Variants in GLRA1 observed in about 807,000 individuals in gnomAD.
GLRA1 encodes the protein glycine receptor alpha 1.
GLRA1 carries 37 observed loss-of-function variants against 48.3 expected under a neutral mutation model. The ratio of observed to expected loss-of-function variants is 0.77; its 90% CI spans 0.59 to 1.01. GLRA1 has a LOEUF of 1.01. GLRA1 is among the 50% of genes least tolerant of loss of function. The pLI, the probability that GLRA1 is intolerant of heterozygous loss-of-function variation, is 0.00. For missense variants in GLRA1, 427 were observed against 571.0 expected (o/e 0.75, Z 2.57); for synonymous variants, 196 against 210.7 (o/e 0.93, Z 0.60).
intron 3 of GLRA1, among the ~76,000 whole-genome samples, chr5:151,863,416 C>A (rs1753253843): frequency 6.6e-6 from 1 of 152,026 alleles, no homozygotes; most frequent in Non-Finnish European, 1.5e-5. Context: ...GAGTGAGACC[C>A]TGTCACAAAC....
At chr5:151,917,976 T>C (rs1754779501) in intron 1 of GLRA1, among the ~76,000 whole-genome samples, 1 of 152,180 alleles carries the variant, frequency 6.6e-6, no homozygotes, top group African/African-American at 2.4e-5. Flanking sequence ...CCTGTTAAGA[T>C]GGTAAACTAA....
chr5:151,887,407 C>G (rs568297090), intron 2 of GLRA1, among the ~76,000 whole-genome samples: 23 of 152,238 alleles, frequency 1.5e-4, no homozygotes, highest in Middle Eastern at 3.4e-3. Flanking sequence ...TCATTGAAGC[C>G]CAATCTCTTC....
chr5:151,836,592 C>T (rs999827501), intron 7 of GLRA1, among the ~76,000 whole-genome samples: 2 of 152,180 alleles, frequency 1.3e-5, no homozygotes, highest in Non-Finnish European at 2.9e-5. Flanking sequence ...CAGCATGATG[C>T]TGGTACCAAA....
At chr5:151,908,410 T>G (rs1754528102) in intron 1 of GLRA1, among the ~76,000 whole-genome samples, 1 of 152,228 alleles carries the variant, frequency 6.6e-6, no homozygotes, top group Non-Finnish European at 1.5e-5. Flanking sequence ...TCTTTTTCCC[T>G]TCTGGTTTCT....
intron 8 of GLRA1, among the ~76,000 whole-genome samples, chr5:151,825,916 C>A (rs1763258266): frequency 6.6e-6 from 1 of 152,164 alleles, no homozygotes; most frequent in Admixed American, 6.5e-5. Flanking sequence ...AGCTTGTACA[C>A]CTCTAGGGTA....
At chr5:151,885,326 C>T (rs1467696791) in intron 3 of GLRA1, among the ~76,000 whole-genome samples, 1 of 152,190 alleles carries the variant, frequency 6.6e-6, no homozygotes, top group Non-Finnish European at 1.5e-5. Context: ...ATACCAGCCC[C>T]CAAGGAACTT....
At chr5:151,919,592 A>C (rs1754825348) in intron 1 of GLRA1, among the ~76,000 whole-genome samples, 1 of 152,274 alleles carries the variant, frequency 6.6e-6, no homozygotes, top group Non-Finnish European at 1.5e-5. Flanking sequence ...AATACACTTC[A>C]ATAGCTGTAA....
intron 8 of GLRA1, among the ~76,000 whole-genome samples, chr5:151,827,661 G>C (rs2113287112): frequency 6.6e-6 from 1 of 152,168 alleles, no homozygotes. Flanking sequence ...CAACTATTTT[G>C]TTTTGTTTTA....
At position 151,856,397 on chromosome 5, in the gene GLRA1, G is replaced by C. The variant is rs1753044400; in HGVS notation, c.477-14C>G. On this transcript the variant is annotated splice_polypyrimidine_tract_variant and intron_variant, in intron 4 of 8. Transcript: ENST00000274576. ...GTCAGGGTGATTCTGGGAAGAGAAG[G>C]GATTTTGAATGATGCAGGATCTGCA... is the stretch of plus-strand genomic sequence containing the variant. 6.4e-7 allele frequency: 1 copy of C among 1,573,242 alleles called. No individual in the cohort carries two copies. Among genetic ancestry groups the C allele is most frequent in the Non-Finnish European group, 8.7e-7 (1 of 1,143,378 alleles).
At chr5:151,856,961 A>C (rs1299274442) in intron 4 of GLRA1, among the ~76,000 whole-genome samples, 2 of 152,270 alleles carry the variant, frequency 1.3e-5, no homozygotes, top group African/African-American at 2.4e-5. Flanking sequence ...GGTGGGAAGC[A>C]GAGTGCAGTC....
intron 7 of GLRA1, among the ~76,000 whole-genome samples, chr5:151,843,414 C>G (rs1270340587): frequency 6.6e-6 from 1 of 151,946 alleles, no homozygotes; most frequent in Non-Finnish European, 1.5e-5. Context: ...GCACCTGCCA[C>G]CATGCCTGGC....
chr5:151,896,279 C>T (rs1234199745), intron 1 of GLRA1, among the ~76,000 whole-genome samples: 2 of 152,140 alleles, frequency 1.3e-5, no homozygotes, highest in African/African-American at 4.8e-5. Context: ...GAATGAAGAC[C>T]CCAGGGGGTC....
intron 7 of GLRA1, among the ~76,000 whole-genome samples, chr5:151,837,347 CT>C (rs1449769438): frequency 6.6e-6 from 1 of 152,192 alleles, no homozygotes; most frequent in African/African-American, 2.4e-5. Flanking sequence ...AATAGGAATG[CT>C]TTTACACTGT....
At chr5:151,851,911 CCATCATCAT>C (rs201218235) in intron 6 of GLRA1, among the ~76,000 whole-genome samples, 1 of 151,662 alleles carries the variant, frequency 6.6e-6, no homozygotes, top group Non-Finnish European at 1.5e-5. Context: ...ATCACTGTTA[CCATCATCAT>C]CATCATCATC....
In GLRA1 at chr5:151,870,621, G is replaced by C. The variant is rs185173904; in HGVS notation, c.253-10613C>G. On this transcript the variant is annotated intron_variant, in intron 3 of 8. Coordinates refer to ENST00000274576, the MANE Select transcript of GLRA1 (RefSeq NM_000171.4). ...TAAACATATGTGGGACATTCATTCT[G>C]TAGCATAAGAAAGGGCCGTTCAAGT... is the stretch of plus-strand genomic sequence containing the variant. Among the ~76,000 whole-genome samples the C allele has an allele frequency of 9.3e-5, 14 of 149,774 alleles. 1 individual carries two copies. Among genetic ancestry groups the C allele is most frequent in the Non-Finnish European group, 1.6e-4 (11 of 68,004 alleles).
chr5:151,833,664 T>C (rs1052338351), intron 7 of GLRA1, among the ~76,000 whole-genome samples: 1 of 152,006 alleles, frequency 6.6e-6, no homozygotes, highest in Non-Finnish European at 1.5e-5. Flanking sequence ...GGTTTCTTCA[T>C]GTTGGTCAGG....
chr5:151,872,711 A>G (rs956230826), intron 3 of GLRA1, among the ~76,000 whole-genome samples: 1 of 149,956 alleles, frequency 6.7e-6, no homozygotes, highest in African/African-American at 2.5e-5. Flanking sequence ...CCAGGAGGCT[A>G]TAAAGCCTGG....
chr5:151,862,476 A>C, intron 3 of GLRA1, among the ~76,000 whole-genome samples: 1 of 152,234 alleles, frequency 6.6e-6, no homozygotes, highest in East Asian at 1.9e-4. Flanking sequence ...CTACCATCAG[A>C]GTGAACAGGC....
At chr5:151,902,002 G>A (rs1230727290) in intron 1 of GLRA1, among the ~76,000 whole-genome samples, 2 of 152,174 alleles carry the variant, frequency 1.3e-5, no homozygotes, top group Non-Finnish European at 2.9e-5. Context: ...GATTTGCAGA[G>A]TCCCTCTGAG....
Sources: gnomAD v4.1 joint callset for allele counts (sites outside exome capture counted in the v4.1 genomes callset) on GRCh38, gnomAD v4.1.1 for gene constraint, MANE v1.5 for transcripts, NCBI Gene and HGNC (gene_info 2026-07-23, HGNC 2026-07-21) for gene names.